PDK1: variants seen among roughly 807,000 people sequenced by gnomAD.
The protein encoded by PDK1 is pyruvate dehydrogenase kinase 1.
Under a neutral mutation model 54.2 loss-of-function variants are expected in PDK1, and 39 were observed. That is an observed-to-expected ratio of 0.72 (90% CI 0.56 to 0.94). The LOEUF (loss-of-function observed/expected upper bound fraction) is 0.94. Ranked by LOEUF, PDK1 falls within the 40% of genes least tolerant of loss-of-function variation. The pLI, the probability that PDK1 is intolerant of heterozygous loss-of-function variation, is 0.00. For synonymous variants in PDK1, 221 were observed against 207.1 expected, an observed-to-expected ratio of 1.07 and a Z score of -0.58; for missense variants, 552 against 566.0, an observed-to-expected ratio of 0.98 and a Z score of 0.25.
Position 172,565,048 on chromosome 2 carries a change from C to T in PDK1, c.666C>T (p.Asn222=). ...AACACATTGGAAGCATAAATCCAAA[C>T]TGCAATGTACTTGAAGTTATTAAAG... is the stretch of plus-strand genomic sequence containing the variant. The part of the protein sequence containing the change: ...HRKHIGSINP[N]CNVLEVIKDG... Residue 222 remains asparagine, a synonymous_variant, in exon 5 of 11, where the codon AAC becomes AAT. Transcript: ENST00000282077. 6.2e-6 allele frequency: 10 copies of T among 1,601,894 alleles called. No homozygotes were observed. Among genetic ancestry groups the T allele is most frequent in the Non-Finnish European group, 8.6e-6 (10 of 1,169,018 alleles).
Position 172,603,508 on chromosome 2 carries a change from G to T in PDK1, c.*7539G>T, listed in dbSNP as rs188742410. On this transcript the variant is annotated 3_prime_UTR_variant, in exon 11 of 11. Coordinates refer to ENST00000282077, the MANE Select transcript of PDK1 (RefSeq NM_002610.5). ...TTTCATGGGGAAGGTCATGGAAGAC[G>T]ACAGCAAACTTGAGTGGTTAATGAG... 1 of 152,192 alleles carries T rather than the reference G, an allele frequency of 6.6e-6. No individual in the cohort carries two copies. The highest frequency in any genetic ancestry group is 2.4e-5 in the African/African-American group (1 of 41,432). 9.4% of individuals were successfully genotyped at this position (152,192 alleles called of 1,614,324 possible). A position where few individuals can be genotyped will look rare whatever the true frequency, so the allele number is the denominator to read the frequency against.
At chr2:172,561,448 G>A (rs966763542) in intron 2 of PDK1, among the ~76,000 whole-genome samples, 1 of 152,218 alleles carries the variant, frequency 6.6e-6, no homozygotes, top group African/African-American at 2.4e-5. Context: ...CTAGATGCCT[G>A]CTAAGTTAGG....
the PDK1 span, among the ~76,000 whole-genome samples, chr2:172,648,195 T>G: frequency 6.6e-6 from 1 of 152,172 alleles, no homozygotes; most frequent in Non-Finnish European, 1.5e-5. Flanking sequence ...GGTCCACAGT[T>G]TAGTTAACAG....
At chr2:172,720,078 T>C in the PDK1 span, among the ~76,000 whole-genome samples, 1 of 150,716 alleles carries the variant, frequency 6.6e-6, no homozygotes, top group Non-Finnish European at 1.5e-5. Context: ...TTGTTGCTGC[T>C]TGGGTGTCAA....
chr2:172,685,027 C>T, the PDK1 span, among the ~76,000 whole-genome samples: 1 of 152,092 alleles, frequency 6.6e-6, no homozygotes, highest in Admixed American at 6.6e-5. Context: ...GAAGTTCCTC[C>T]CTCACTTCTC....
At chr2:172,617,387 T>C in the PDK1 span, among the ~76,000 whole-genome samples, 3 of 152,152 alleles carry the variant, frequency 2.0e-5, no homozygotes, top group Non-Finnish European at 4.4e-5. Context: ...CTAGTCTATT[T>C]TGTGCTGCTA....
chr2:172,564,769 TA>T, intron 4 of PDK1, 82 bp downstream of exon 4: 12 of 695,654 alleles, frequency 1.7e-5, no homozygotes, highest in Non-Finnish European at 2.4e-5. Context: ...AAGTTCCATT[TA>T]GGTAGGAAAT....
chr2:172,591,381 T>G (rs1039346228), intron 9 of PDK1, among the ~76,000 whole-genome samples: 11 of 152,172 alleles, frequency 7.2e-5, no homozygotes, highest in Non-Finnish European at 1.5e-4. Context: ...AAAAACAACA[T>G]TCTTCTCCTA....
At chr2:172,705,764 A>G in the PDK1 span, among the ~76,000 whole-genome samples, 1 of 152,278 alleles carries the variant, frequency 6.6e-6, no homozygotes, top group African/African-American at 2.4e-5. Flanking sequence ...CTGTTTGAAA[A>G]GGAAGAATAA....
the PDK1 span, among the ~76,000 whole-genome samples, chr2:172,656,972 C>G: frequency 2.0e-5 from 3 of 152,088 alleles, no homozygotes; most frequent in Non-Finnish European, 2.9e-5. Flanking sequence ...AACTCCCAAG[C>G]TCATTCACGT....
the PDK1 span, chr2:172,674,112 G>A: frequency 1.7e-4 from 26 of 152,386 alleles, no homozygotes; most frequent in African/African-American, 6.3e-4. Flanking sequence ...CAACAAAGAA[G>A]CCCCCAGGTG....
the PDK1 span, among the ~76,000 whole-genome samples, chr2:172,629,205 A>G: frequency 0.026 from 3,899 of 152,274 alleles, 156 homozygotes; most frequent in African/African-American, 0.088. Context: ...TACTGGGTAG[A>G]AGAGGGTGGT....
At chr2:172,645,447 C>G in the PDK1 span, among the ~76,000 whole-genome samples, 1 of 151,800 alleles carries the variant, frequency 6.6e-6, no homozygotes, top group Admixed American at 6.6e-5. Context: ...TTAGTAGAGA[C>G]AGGGTTTCAC....
At chr2:172,634,334 G>T in the PDK1 span, among the ~76,000 whole-genome samples, 1 of 137,762 alleles carries the variant, frequency 7.3e-6, no homozygotes, top group Non-Finnish European at 1.6e-5. Context: ...GTGCAATGGC[G>T]CAATCTCAGC....
rs1330501830 is a variant in PDK1 at position 172,599,513 on chromosome 2, T to C, written c.*3544T>C. On this transcript the variant is annotated 3_prime_UTR_variant, in exon 11 of 11. Transcript: ENST00000282077. Reference sequence around the variant, plus strand: ...TTAGGTAGTTTGCAAACATGACTTTTGCTGGAGGAACTTTTAATCATGTCT... The same window carrying C: ...TTAGGTAGTTTGCAAACATGACTTTCGCTGGAGGAACTTTTAATCATGTCT... 2 of 152,202 alleles carry C rather than the reference T, an allele frequency of 1.3e-5. No individual in the cohort carries two copies. Among genetic ancestry groups the C allele is most frequent in the African/African-American group, 4.8e-5 (2 of 41,454 alleles). The allele number at this position is 152,202 out of a possible 1,614,324, so 9.4% of individuals were successfully genotyped here.
the PDK1 span, among the ~76,000 whole-genome samples, chr2:172,714,272 C>T: frequency 3.3e-5 from 5 of 152,134 alleles, no homozygotes; most frequent in Non-Finnish European, 7.4e-5. Context: ...TCAACATATA[C>T]AATATAATCT....
At chr2:172,648,059 A>G in the PDK1 span, among the ~76,000 whole-genome samples, 3 of 152,360 alleles carry the variant, frequency 2.0e-5, no homozygotes, top group Admixed American at 6.5e-5. Flanking sequence ...ACAAAGAAAA[A>G]TTTAGAAACT....
chr2:172,570,686 TA>T, intron 7 of PDK1, 39 bp from the exon 8 acceptor site: 2 of 1,209,232 alleles, frequency 1.7e-6, no homozygotes, highest in Non-Finnish European at 1.2e-6. Context: ...TTCTCTTTTC[TA>T]AAAAGCTGTA....
the PDK1 span, among the ~76,000 whole-genome samples, chr2:172,720,112 C>G: frequency 2.4e-4 from 24 of 99,932 alleles, no homozygotes; most frequent in Admixed American, 2.5e-3. Context: ...CTCTCTCTCT[C>G]TCTCTTTTTT....
Sources: gnomAD v4.1 joint callset for allele counts (sites outside exome capture counted in the v4.1 genomes callset) on GRCh38, gnomAD v4.1.1 for gene constraint, MANE v1.5 for transcripts, NCBI Gene and HGNC (gene_info 2026-07-23, HGNC 2026-07-21) for gene names.